GALNT8: variants seen among roughly 807,000 people sequenced by gnomAD.
GALNT8 encodes the protein polypeptide N-acetylgalactosaminyltransferase 8.
A neutral mutation model predicts 62.7 loss-of-function variants in GALNT8; 66 were observed. That is an observed-to-expected ratio of 1.05 (90% CI 0.86 to 1.29). GALNT8 has a LOEUF of 1.29. Ranked by LOEUF, GALNT8 falls within the 50% of genes most tolerant of loss-of-function variation. GALNT8 has a pLI of 0.00. For missense variants in GALNT8, 771 were observed against 791.8 expected (o/e 0.97, Z 0.32); for synonymous variants, 288 against 294.3 (o/e 0.98, Z 0.22).
At chr12:4,731,688 A>T (rs1233371725) in intron 2 of GALNT8, among the ~76,000 whole-genome samples, 1 of 152,322 alleles carries the variant, frequency 6.6e-6, no homozygotes, top group African/African-American at 2.4e-5. Context: ...ATTTTTTATC[A>T]TGAAAAAATG....
At chr12:4,738,551 C>A (rs180896502) in intron 2 of GALNT8, among the ~76,000 whole-genome samples, 25 of 152,138 alleles carry the variant, frequency 1.6e-4, no homozygotes, top group African/African-American at 5.3e-4. Flanking sequence ...AGAATGCTTA[C>A]AAAACTCAAT....
At chr12:4,746,716 T>C (rs370924129) in intron 6 of GALNT8, among the ~76,000 whole-genome samples, 1 of 152,294 alleles carries the variant, frequency 6.6e-6, no homozygotes, top group South Asian at 2.1e-4. Flanking sequence ...TGCTGAGATA[T>C]AGTCTAATCT....
intron 2 of GALNT8, among the ~76,000 whole-genome samples, chr12:4,734,757 G>A (rs1946237075): frequency 6.6e-6 from 1 of 150,492 alleles, no homozygotes; most frequent in Non-Finnish European, 1.5e-5. Context: ...AGCTTCCAAT[G>A]TCCAGCCCCT....
chr12:4,725,876 A>T (rs1364521289), intron 1 of GALNT8, among the ~76,000 whole-genome samples: 1 of 152,064 alleles, frequency 6.6e-6, no homozygotes, highest in Non-Finnish European at 1.5e-5. Context: ...CATTCTTACG[A>T]TCACGCAAGT....
At position 4,726,575 on chromosome 12, in the gene GALNT8, C is replaced by T. The variant is rs1946196327; in HGVS notation, c.255C>T (p.Asn85=). The change falls in exon 2 of 11, where the codon AAC becomes AAT. Residue 85 remains asparagine, a synonymous_variant. Transcript: ENST00000252318. This position sits in a 1 kb window ranked among gnomAD's most constrained non-coding sequence, Gnocchi z 4.1. ...KLALRQQENV[N]STLKRAKDEV... Reference sequence around the variant, plus strand: ...CTCTGAGGCAACAAGAAAATGTGAACAGCACACTGAAGAGGGCGAAAGATG... The same window carrying T: ...CTCTGAGGCAACAAGAAAATGTGAATAGCACACTGAAGAGGGCGAAAGATG... 1.3e-5 allele frequency: 21 copies of T among 1,613,456 alleles called. No individual in the cohort carries two copies. The highest frequency in any genetic ancestry group is 3.3e-5 in the Admixed American group (2 of 59,996).
intron 2 of GALNT8, among the ~76,000 whole-genome samples, chr12:4,738,701 A>T (rs1049476217): frequency 6.6e-6 from 1 of 152,192 alleles, no homozygotes; most frequent in Non-Finnish European, 1.5e-5. Flanking sequence ...AAAAGCTATA[A>T]AAAGGGTAAA....
Position 4,720,748 on chromosome 12 carries a change from T to TTCTG in GALNT8, c.72_75dup (p.Val26SerfsTer5), listed in dbSNP as rs1338500588. 3 of 1,612,870 alleles carry TTCTG rather than the reference T, an allele frequency of 1.9e-6. No individual in the cohort carries two copies. The highest frequency in any genetic ancestry group is 3.3e-5 in the Admixed American group (2 of 60,006). On this transcript the variant is annotated frameshift_variant, in exon 1 of 11. Transcript: ENST00000252318. LOFTEE classifies it high-confidence loss of function. Reference sequence around the variant, plus strand: ...ACTCTGGCCATTGCTGTCAATCTCCTTCTGGTATTTTCTAGCAAGGGGACT... The same window carrying TTCTG: ...ACTCTGGCCATTGCTGTCAATCTCCTTCTGTCTGGTATTTTCTAGCAAGGGGACT...
chr12:4,750,302 C>T (rs554497615), intron 6 of GALNT8, among the ~76,000 whole-genome samples: 1 of 152,122 alleles, frequency 6.6e-6, no homozygotes, highest in East Asian at 1.9e-4. Context: ...AGCCTAGTCT[C>T]CGTTAGTTAT....
chr12:4,741,407 A>T (rs192230568), intron 3 of GALNT8, among the ~76,000 whole-genome samples: 1 of 152,092 alleles, frequency 6.6e-6, no homozygotes, highest in Non-Finnish European at 1.5e-5. Flanking sequence ...CTGCCCCAAA[A>T]ATAGGAGCAT....
chr12:4,721,739 GTTCC>G (rs1443945572), intron 1 of GALNT8, among the ~76,000 whole-genome samples: 3 of 151,738 alleles, frequency 2.0e-5, no homozygotes, highest in African/African-American at 4.8e-5. Flanking sequence ...GCAGAAAGGC[GTTCC>G]TTCCTCTTTT....
At chr12:4,724,042 G>T (rs183663809) in intron 1 of GALNT8, among the ~76,000 whole-genome samples, 1 of 151,096 alleles carries the variant, frequency 6.6e-6, no homozygotes, top group Non-Finnish European at 1.5e-5. Flanking sequence ...CCAGCTACTC[G>T]GGAAGCTGAG....
chr12:4,745,754 G>A, intron 5 of GALNT8, 128 bp downstream of exon 5: 2 of 700,034 alleles, frequency 2.9e-6, no homozygotes, highest in Non-Finnish European at 5.1e-6. Flanking sequence ...ATGAGGTGAA[G>A]GACAAGGGAT....
In GALNT8 at chr12:4,746,209, A is replaced by G. The variant is rs760914822; in HGVS notation, c.1124A>G (p.Asp375Gly). Residue 375 changes from aspartate (D) to glycine (G), a missense_variant, in exon 6 of 11, where the codon GAT becomes GGT. Physicochemically the swap from Asp to Gly is moderately conservative, Grantham distance 94. Transcript: ENST00000252318. ...TTCCTGGGAGAGATCGGGTCTCTGG[A>G]TGGTGGAATGCTCATCTATGGAGGA... ...RHFLGEIGSL[D>G]GGMLIYGGEN... is the part of the protein sequence containing the mutation. 15 of 1,613,102 alleles carry G rather than the reference A, an allele frequency of 9.3e-6. No individual in the cohort carries two copies. Among genetic ancestry groups the G allele is most frequent in the East Asian group, 2.2e-5 (1 of 44,876 alleles).
intron 2 of GALNT8, among the ~76,000 whole-genome samples, chr12:4,728,101 A>G (rs1052640152): frequency 5.3e-5 from 8 of 152,062 alleles, no homozygotes; most frequent in Admixed American, 3.9e-4. Flanking sequence ...TTTGTTTTAA[A>G]TTTCCCTGAG....
intron 6 of GALNT8, among the ~76,000 whole-genome samples, chr12:4,750,515 G>A (rs2137535089): frequency 6.6e-6 from 1 of 152,232 alleles, no homozygotes; most frequent in South Asian, 2.1e-4. Flanking sequence ...CCTTGCAAAG[G>A]ACATGATTTC....
At chr12:4,731,493 T>C (rs1591565020) in intron 2 of GALNT8, among the ~76,000 whole-genome samples, 2 of 152,324 alleles carry the variant, frequency 1.3e-5, no homozygotes, top group Non-Finnish European at 2.9e-5. Flanking sequence ...TCTTGCCTGA[T>C]TGCTCTCGCT....
At chr12:4,755,412 C>T (rs1465680112) in intron 6 of GALNT8, among the ~76,000 whole-genome samples, 1 of 152,192 alleles carries the variant, frequency 6.6e-6, no homozygotes, top group South Asian at 2.1e-4. Flanking sequence ...TTGCTGTGCT[C>T]TTCCTCCCCC....
intron 2 of GALNT8, among the ~76,000 whole-genome samples, chr12:4,737,309 G>A (rs1946249884): frequency 6.6e-6 from 1 of 152,142 alleles, no homozygotes; most frequent in Non-Finnish European, 1.5e-5. Context: ...CCAGTGCTAG[G>A]ATAGGAAAAC....
intron 3 of GALNT8, among the ~76,000 whole-genome samples, chr12:4,741,083 G>C (rs1052989676): frequency 3.9e-5 from 6 of 152,212 alleles, no homozygotes; most frequent in African/African-American, 1.4e-4. Flanking sequence ...TGACTATAAG[G>C]GCTATGAAGT....
Sources: gnomAD v4.1 joint callset for allele counts (sites outside exome capture counted in the v4.1 genomes callset) on GRCh38, gnomAD v4.1.1 for gene constraint, Gnocchi (gnomAD v3.1) non-coding constraint, MANE v1.5 for transcripts, NCBI Gene and HGNC (gene_info 2026-07-23, HGNC 2026-07-21) for gene names.